Variants in PIP4K2A observed in about 807,000 individuals in gnomAD.
PIP4K2A encodes phosphatidylinositol-5-phosphate 4-kinase type 2 alpha.
Under a neutral mutation model 42.9 loss-of-function variants are expected in PIP4K2A, and 14 were observed. The observed-to-expected ratio is 0.33, with a 90% CI of 0.22 to 0.51. PIP4K2A has a LOEUF of 0.51. PIP4K2A is among the 20% of genes least tolerant of loss of function. PIP4K2A has a pLI of 0.97. For missense variants in PIP4K2A, 434 were observed against 519.8 expected, an observed-to-expected ratio of 0.83 and a Z score of 1.61; for synonymous variants, 192 against 192.2, an observed-to-expected ratio of 1.00 and a Z score of 0.01.
intron 4 of PIP4K2A, among the ~76,000 whole-genome samples, chr10:22,588,923 A>G (rs1325950238): frequency 2.0e-5 from 3 of 152,236 alleles, no homozygotes; most frequent in Non-Finnish European, 4.4e-5. Flanking sequence ...GGAAGTCTTT[A>G]TACTGTTAAA....
At chr10:22,626,257 TAAA>T (rs370242770) in intron 1 of PIP4K2A, among the ~76,000 whole-genome samples, 2,872 of 151,418 alleles carry the variant, frequency 0.019, 92 homozygotes, top group African/African-American at 0.065. Flanking sequence ...ATATTCTGCT[TAAA>T]AAAAAAGAGT....
chr10:22,598,730 C>G (rs1395222740), intron 3 of PIP4K2A, among the ~76,000 whole-genome samples: 4 of 152,224 alleles, frequency 2.6e-5, no homozygotes, highest in Admixed American at 2.6e-4. Flanking sequence ...ATCTGATTAT[C>G]TGCAAAGAAA....
chr10:22,700,246 T>G (rs753354484), intron 1 of PIP4K2A, among the ~76,000 whole-genome samples: 2 of 152,218 alleles, frequency 1.3e-5, no homozygotes, highest in Admixed American at 6.5e-5. Flanking sequence ...ATGGACCAAT[T>G]CATACATCCT....
At chr10:22,640,023 T>A (rs1838747640) in intron 1 of PIP4K2A, among the ~76,000 whole-genome samples, 1 of 69,000 alleles carries the variant, frequency 1.4e-5, no homozygotes, top group Non-Finnish European at 3.8e-5. Flanking sequence ...TCTTTTTTTT[T>A]TTTTTTTTTT....
At chr10:22,707,007 G>C (rs937713100) in intron 1 of PIP4K2A, among the ~76,000 whole-genome samples, 3 of 152,032 alleles carry the variant, frequency 2.0e-5, no homozygotes, top group Non-Finnish European at 4.4e-5. Context: ...AATAGGATAG[G>C]CATGGTGGCT....
At chr10:22,709,492 G>A (rs902901306) in intron 1 of PIP4K2A, among the ~76,000 whole-genome samples, 1 of 152,144 alleles carries the variant, frequency 6.6e-6, no homozygotes, top group Non-Finnish European at 1.5e-5. Context: ...GGCTATGCTG[G>A]CAGAATTAAT....
chr10:22,613,815 C>T (rs939416481), intron 1 of PIP4K2A, among the ~76,000 whole-genome samples: 4 of 152,044 alleles, frequency 2.6e-5, no homozygotes, highest in Non-Finnish European at 2.9e-5. Context: ...GGATGACAGG[C>T]GTTCTTCAGG....
At chr10:22,647,150 G>A (rs1479376937) in intron 1 of PIP4K2A, among the ~76,000 whole-genome samples, 1 of 152,154 alleles carries the variant, frequency 6.6e-6, no homozygotes, top group Non-Finnish European at 1.5e-5. Context: ...GCAAGGCTTC[G>A]TAACTACTAT....
At chr10:22,566,271 T>C (rs747734425) in intron 6 of PIP4K2A, among the ~76,000 whole-genome samples, 1 of 152,162 alleles carries the variant, frequency 6.6e-6, no homozygotes, top group Non-Finnish European at 1.5e-5. Context: ...TTTTGTACTC[T>C]GTCCCTTTAT....
chr10:22,707,762 C>T (rs1833848170), intron 1 of PIP4K2A, among the ~76,000 whole-genome samples: 1 of 152,148 alleles, frequency 6.6e-6, no homozygotes, highest in Non-Finnish European at 1.5e-5. Context: ...GCGTGCTCTC[C>T]CCACTTTCTC....
chr10:22,585,337 A>C (rs1451800900), intron 4 of PIP4K2A, among the ~76,000 whole-genome samples: 1 of 152,198 alleles, frequency 6.6e-6, no homozygotes, highest in East Asian at 1.9e-4. Flanking sequence ...TTTTGGGGCA[A>C]AACTTCTGGA....
chr10:22,563,616 G>C (rs947473530), intron 6 of PIP4K2A, among the ~76,000 whole-genome samples: 2 of 152,118 alleles, frequency 1.3e-5, no homozygotes, highest in Non-Finnish European at 2.9e-5. Context: ...GCCCTTAAAG[G>C]AAAGGAGAGA....
intron 1 of PIP4K2A, among the ~76,000 whole-genome samples, chr10:22,709,463 C>T (rs1272125045): frequency 6.6e-6 from 1 of 152,188 alleles, no homozygotes; most frequent in Non-Finnish European, 1.5e-5. Context: ...CCCTTCAATT[C>T]CAAAATTTGT....
chr10:22,592,675 A>G (rs1057062863), intron 3 of PIP4K2A, among the ~76,000 whole-genome samples: 2 of 152,142 alleles, frequency 1.3e-5, no homozygotes, highest in Non-Finnish European at 2.9e-5. Flanking sequence ...TCTTCCGTTC[A>G]GATCTCCTCT....
intron 6 of PIP4K2A, among the ~76,000 whole-genome samples, chr10:22,557,720 A>G (rs1836586770): frequency 6.6e-6 from 1 of 152,232 alleles, no homozygotes; most frequent in African/African-American, 2.4e-5. Flanking sequence ...AAACTAAAAT[A>G]TCATTGGATT....
intron 1 of PIP4K2A, chr10:22,691,618 C>T (rs1160126470): frequency 1.3e-5 from 2 of 152,106 alleles, no homozygotes; most frequent in African/African-American, 4.8e-5. Flanking sequence ...TATGTATGCC[C>T]TACCTGATTC....
At chr10:22,692,502 A>T (rs1203484626) in intron 1 of PIP4K2A, among the ~76,000 whole-genome samples, 1 of 152,146 alleles carries the variant, frequency 6.6e-6, no homozygotes, top group Non-Finnish European at 1.5e-5. Flanking sequence ...TTATTTGAGA[A>T]CTAGGGCAGG....
At chr10:22,572,662 A>C (rs6482225) in intron 5 of PIP4K2A, among the ~76,000 whole-genome samples, 146,156 of 152,240 alleles carry the variant, frequency 0.96, 70,214 homozygotes, top group East Asian at 1. Context: ...GGAATTCAGG[A>C]AAGTCATAGT....
At chr10:22,653,569 G>A (rs1839036236) in intron 1 of PIP4K2A, among the ~76,000 whole-genome samples, 1 of 152,202 alleles carries the variant, frequency 6.6e-6, no homozygotes, top group South Asian at 2.1e-4. Context: ...TAGGGCCCTG[G>A]TGCTTTGGAA....
Sources: gnomAD v4.1 joint callset for allele counts (sites outside exome capture counted in the v4.1 genomes callset) on GRCh38, gnomAD v4.1.1 for gene constraint, MANE v1.5 for transcripts, NCBI Gene and HGNC (gene_info 2026-07-23, HGNC 2026-07-21) for gene names.